The following MYL4 variants were observed in gnomAD, a reference collection of about 807,000 sequenced individuals.
MYL4 encodes the protein atrial myosin light chain 1.
Under a neutral mutation model 21.6 loss-of-function variants are expected in MYL4, and 16 were observed. The observed-to-expected ratio is 0.74, with a 90% CI of 0.50 to 1.12. The LOEUF is 1.12. Among genes scored for constraint, MYL4 ranks in the 50% most tolerant of loss-of-function variants. MYL4 has a pLI of 0.00. For missense variants in MYL4, 249 were observed against 252.9 expected (o/e 0.98, Z 0.11); for synonymous variants, 82 against 95.7 (o/e 0.86, Z 0.83).
At chr17:47,203,372 T>C (rs73316039) in intron 1 of MYL4, among the ~76,000 whole-genome samples, 2,462 of 152,280 alleles carry the variant, frequency 0.016, 55 homozygotes, top group African/African-American at 0.056. Context: ...GAGATAGTCT[T>C]TCTTGTTTTT....
rs190348754 is a variant in MYL4, at chr17:47,209,587, G to A, written c.135+30G>A. The A allele has an allele frequency of 3.3e-5, 54 of 1,614,220 alleles. No individual in the cohort carries two copies. In the African/African-American group the frequency reaches 6.4e-4, roughly 19 times the overall value. On this transcript the variant is annotated intron_variant, in intron 1 of 6. Coordinates refer to ENST00000393450, the MANE Select transcript of MYL4 (RefSeq NM_002476.2). The stretch of plus-strand genomic sequence containing the variant: ...GTGAGGCTCAGCCATTGGGATAGAG[G>A]TGGGGATGACATTGAGAGTCCTTTT...
At chr17:47,217,989 C>T (rs533659375) in intron 2 of MYL4, among the ~76,000 whole-genome samples, 60 of 147,442 alleles carry the variant, frequency 4.1e-4, no homozygotes, top group Non-Finnish European at 7.4e-4. Flanking sequence ...TGCAGTGAGC[C>T]GAAATCGCGA....
the MYL4 span, among the ~76,000 whole-genome samples, chr17:47,193,049 C>T: frequency 6.6e-6 from 1 of 152,152 alleles, no homozygotes; most frequent in Non-Finnish European, 1.5e-5. Context: ...CCCACTGAAA[C>T]ATAGCCCAGA....
chr17:47,209,301 G>A, upstream of MYL4: 1 of 1,343,218 alleles, frequency 7.4e-7, no homozygotes, highest in South Asian at 1.2e-5. Context: ...CCCCTCTGTG[G>A]GGGCTCCTGC....
At chr17:47,197,042 C>T (rs66976195), upstream of MYL4, among the ~76,000 whole-genome samples, 11,938 of 150,418 alleles carry the variant, frequency 0.079, 544 homozygotes, top group African/African-American at 0.11. Flanking sequence ...TTTGACTCCC[C>T]CTTTCTGGGC....
At chr17:47,201,454 C>CT (rs568623330) in intron 1 of MYL4, among the ~76,000 whole-genome samples, 2,462 of 144,954 alleles carry the variant, frequency 0.017, 50 homozygotes, top group African/African-American at 0.055. Flanking sequence ...TATTTCTTTT[C>CT]TTTTTTTTTT....
chr17:47,196,773 G>A (rs72823446), upstream of MYL4, among the ~76,000 whole-genome samples: 5,609 of 152,076 alleles, frequency 0.037, 156 homozygotes, highest in Non-Finnish European at 0.059. Flanking sequence ...AATTTTAATC[G>A]TATTTGTTTA....
intron 2 of MYL4, among the ~76,000 whole-genome samples, chr17:47,219,226 C>T (rs2064836488): frequency 6.6e-6 from 1 of 152,228 alleles, no homozygotes; most frequent in East Asian, 1.9e-4. Context: ...TTCCAGCGGT[C>T]TTATCACTTT....
chr17:47,220,080 T>C, intron 3 of MYL4, 27 bp downstream of exon 3: 1 of 1,587,082 alleles, frequency 6.3e-7, no homozygotes, highest in Non-Finnish European at 8.6e-7. Context: ...GGCAGACCTC[T>C]CCCAGGGTCA....
At chr17:47,197,093 T>A (rs1372686785), upstream of MYL4, among the ~76,000 whole-genome samples, 1 of 27,800 alleles carries the variant, frequency 3.6e-5, no homozygotes, top group African/African-American at 1.2e-4. Flanking sequence ...CCTTAAAGGG[T>A]TTTTTTTTTT....
upstream of MYL4, among the ~76,000 whole-genome samples, chr17:47,196,275 C>T (rs2064688746): frequency 6.6e-6 from 1 of 152,140 alleles, no homozygotes; most frequent in Non-Finnish European, 1.5e-5. Context: ...GGGAAAAGGC[C>T]AACATCTAGG....
intron 2 of MYL4, among the ~76,000 whole-genome samples, chr17:47,217,148 G>A (rs766049050): frequency 4.5e-5 from 3 of 67,082 alleles, no homozygotes. Flanking sequence ...CATGCTAATT[G>A]TTTTAAAGGT....
chr17:47,223,364 G>A (rs1047067484), intron 6 of MYL4, 145 bp from the exon 7 acceptor site: 2 of 358,372 alleles, frequency 5.6e-6, no homozygotes, highest in Non-Finnish European at 1.0e-5. Flanking sequence ...CCGATCCCAA[G>A]TGGAAGAGAA....
chr17:47,220,640 C>T (rs1356945827), intron 3 of MYL4, among the ~76,000 whole-genome samples: 3 of 152,130 alleles, frequency 2.0e-5, no homozygotes, highest in East Asian at 1.9e-4. Flanking sequence ...GTGGTGCAAA[C>T]GATTCTTTTG....
rs114267252 is a variant in MYL4 at position 47,213,693 on chromosome 17, G to A, written c.136-106G>A. On this transcript the variant is annotated intron_variant, in intron 1 of 6. Transcript: ENST00000393450. ...CCTGCTTATCAGTGGCCTGCTGGAG[G>A]TGGCCATACTGCATTGGAAGCCACT... is the stretch of plus-strand genomic sequence containing the variant. 1,053 of 1,080,372 alleles carry A rather than the reference G, an allele frequency of 9.7e-4. 9 individuals are homozygous for A. In the African/African-American group the frequency reaches 0.015, roughly 15 times the overall value. The allele number at this position is 1,080,372 out of a possible 1,614,324, so 66.9% of individuals were successfully genotyped here.
At chr17:47,225,906 G>A (rs2064884056), downstream of MYL4, among the ~76,000 whole-genome samples, 1 of 147,440 alleles carries the variant, frequency 6.8e-6, no homozygotes, top group African/African-American at 2.5e-5. Context: ...AGGTTCAGGG[G>A]CACATGTGCA....
At chr17:47,213,447 A>G (rs2064790462) in intron 1 of MYL4, among the ~76,000 whole-genome samples, 1 of 152,188 alleles carries the variant, frequency 6.6e-6, no homozygotes, top group African/African-American at 2.4e-5. Flanking sequence ...AATCATCTCT[A>G]GGTTACTTAT....
chr17:47,200,228 T>A (rs2064704609), upstream of MYL4, among the ~76,000 whole-genome samples: 1 of 149,916 alleles, frequency 6.7e-6, no homozygotes, highest in South Asian at 2.1e-4. Flanking sequence ...AAAGAGGAAG[T>A]CAGTGGAAAG....
Position 47,219,116 on chromosome 17 carries a change from A to G in MYL4, c.164-788A>G, listed in dbSNP as rs139561549. 4.1e-3 allele frequency among the ~76,000 whole-genome samples: 628 copies of G among 152,356 alleles called. 9 individuals are homozygous for G. The highest frequency in any genetic ancestry group is 0.013 in the African/African-American group (534 of 41,592). On this transcript the variant is annotated intron_variant, in intron 2 of 6. Coordinates refer to ENST00000393450, the MANE Select transcript of MYL4 (RefSeq NM_002476.2). ...GGGTTAATAGTTTGCCCAAGGCTGT[A>G]TGCGAGTCCATGGCAGAGCTGGGGT...
Sources: gnomAD v4.1 joint callset for allele counts (sites outside exome capture counted in the v4.1 genomes callset) on GRCh38, gnomAD v4.1.1 for gene constraint, MANE v1.5 for transcripts, NCBI Gene and HGNC (gene_info 2026-07-23, HGNC 2026-07-21) for gene names.